Variants in POU2F3 observed in about 807,000 individuals in gnomAD.
POU2F3 encodes the protein POU class 2 homeobox 3.
POU2F3 carries 23 observed loss-of-function variants against 59.2 expected under a neutral mutation model. That is an observed-to-expected ratio of 0.39 (90% confidence interval 0.28 to 0.55). POU2F3 has a LOEUF of 0.55. Among genes scored for constraint, POU2F3 ranks in the 20% least tolerant of loss-of-function variants. POU2F3 has a pLI of 0.66. For synonymous variants in POU2F3, 190 were observed against 214.6 expected (o/e 0.89, Z 1.00); for missense variants, 473 against 544.5 (o/e 0.87, Z 1.31).
intron 3 of POU2F3, among the ~76,000 whole-genome samples, chr11:120,280,138 C>A (rs1349770482): frequency 6.6e-6 from 1 of 152,146 alleles, no homozygotes; most frequent in Non-Finnish European, 1.5e-5. Flanking sequence ...CTTTTTCAAG[C>A]AGGCGTCTCT....
At chr11:120,317,084 G>A (rs1305156517) in intron 11 of POU2F3, 145 bp from the exon 12 acceptor site, 3 of 874,794 alleles carry the variant, frequency 3.4e-6, no homozygotes, top group South Asian at 1.5e-5. Flanking sequence ...AATGAGGCAG[G>A]AGGTAGTCAG....
At chr11:120,315,502 C>A in intron 11 of POU2F3, 75 bp downstream of exon 11, 1 of 1,394,494 alleles carries the variant, frequency 7.2e-7, no homozygotes, top group Non-Finnish European at 1.0e-6. Context: ...TGAAAGGTAT[C>A]TACCTAAGTC....
intron 10 of POU2F3, among the ~76,000 whole-genome samples, chr11:120,311,782 A>T (rs1240282170): frequency 2.0e-5 from 3 of 152,188 alleles, no homozygotes; most frequent in Non-Finnish European, 4.4e-5. Context: ...ATCCTGGGTG[A>T]GGAGGAACTC....
chr11:120,296,274 T>C (rs550657660), intron 3 of POU2F3, among the ~76,000 whole-genome samples: 2 of 152,346 alleles, frequency 1.3e-5, no homozygotes, highest in East Asian at 3.9e-4. Context: ...ATGTCTTTTG[T>C]TCAATTAATG....
chr11:120,309,544 T>A lies in POU2F3; in HGVS notation c.1026T>A (p.Pro342=), dbSNP rs1347765575. Residue 342 remains proline, a synonymous_variant, in exon 10 of 13, where the codon CCT becomes CCA. Coordinates refer to ENST00000543440, the MANE Select transcript of POU2F3 (RefSeq NM_014352.4). ...RRQKEKRINC[P]VATPIKPPVY... ...AAAAGGAGAAGCGAATCAACTGCCC[T>A]GTGGCCACACCCATCAAACCACCTG... The A allele has an allele frequency of 1.2e-6, 2 of 1,614,086 alleles. No individual in the cohort carries two copies. The highest frequency in any genetic ancestry group is 2.2e-5 in the South Asian group (2 of 91,064).
Position 120,318,494 on chromosome 11 carries a change from G to T in POU2F3, c.*102G>T. The stretch of plus-strand genomic sequence containing the variant: ...ACAGATTGCCTTCAGAAGAGTGGAA[G>T]AAAATCTCCACTATCAATGAACCCA... On this transcript the variant is annotated 3_prime_UTR_variant, in exon 13 of 13. Coordinates refer to ENST00000543440, the MANE Select transcript of POU2F3 (RefSeq NM_014352.4). The T allele has an allele frequency of 8.3e-7, 1 of 1,208,594 alleles. No homozygotes were observed. Among genetic ancestry groups the T allele is most frequent in the South Asian group, 1.3e-5 (1 of 78,918 alleles). 74.9% of individuals were successfully genotyped at this position (1,208,594 alleles called of 1,614,324 possible). A position where few individuals can be genotyped will look rare whatever the true frequency, so the allele number is the denominator to read the frequency against.
At chr11:120,301,217 C>T in intron 5 of POU2F3, 1 of 385,058 alleles carries the variant, frequency 2.6e-6, no homozygotes, top group Admixed American at 3.2e-5. Context: ...TCTGAGCTTC[C>T]ATTTCCTCTT....
intron 11 of POU2F3, among the ~76,000 whole-genome samples, chr11:120,315,788 G>A (rs900646386): frequency 6.6e-6 from 1 of 151,476 alleles, no homozygotes; most frequent in Non-Finnish European, 1.5e-5. Flanking sequence ...CAGGATGATC[G>A]CATGCCCAAG....
chr11:120,287,128 A>T (rs1940811228), intron 3 of POU2F3, among the ~76,000 whole-genome samples: 1 of 152,188 alleles, frequency 6.6e-6, no homozygotes, highest in African/African-American at 2.4e-5. Flanking sequence ...TAAAAACCTG[A>T]TGTTAAAGGA....
chr11:120,245,747 G>A (rs1028315798), intron 1 of POU2F3, among the ~76,000 whole-genome samples: 1 of 152,208 alleles, frequency 6.6e-6, no homozygotes, highest in Non-Finnish European at 1.5e-5. Flanking sequence ...TGAGCCAGGG[G>A]CCTGGTGTAG....
At chr11:120,288,916 CAA>C (rs1808740625) in intron 3 of POU2F3, among the ~76,000 whole-genome samples, 1 of 144,022 alleles carries the variant, frequency 6.9e-6, no homozygotes. Context: ...TTAAACCTCT[CAA>C]GACACCTTTT....
At chr11:120,273,399 G>A (rs757253683) in intron 3 of POU2F3, among the ~76,000 whole-genome samples, 1 of 152,204 alleles carries the variant, frequency 6.6e-6, no homozygotes. Context: ...TGAAGTGGGT[G>A]GTGAGGGAAG....
chr11:120,240,818 T>G (rs1212006346), intron 1 of POU2F3, among the ~76,000 whole-genome samples: 1 of 151,892 alleles, frequency 6.6e-6, no homozygotes, highest in Non-Finnish European at 1.5e-5. Context: ...AAGCGGACAT[T>G]TAGGTGGTTG....
intron 3 of POU2F3, among the ~76,000 whole-genome samples, chr11:120,276,638 C>A (rs1365050541): frequency 6.6e-6 from 1 of 152,146 alleles, no homozygotes; most frequent in Non-Finnish European, 1.5e-5. Context: ...TTTGCTCAAC[C>A]CTAAGCAGTA....
At chr11:120,276,517 C>G (rs1000008682) in intron 3 of POU2F3, among the ~76,000 whole-genome samples, 2 of 152,004 alleles carry the variant, frequency 1.3e-5, no homozygotes, top group Admixed American at 1.3e-4. Flanking sequence ...GTTCCAGGAT[C>G]CAGCCTCCAG....
intron 3 of POU2F3, among the ~76,000 whole-genome samples, chr11:120,282,320 A>T (rs1940602412): frequency 6.6e-6 from 1 of 152,256 alleles, no homozygotes; most frequent in South Asian, 2.1e-4. Context: ...TCAAAGTTTC[A>T]TCAATGAAAT....
chr11:120,277,489 A>G (rs1435756533), intron 3 of POU2F3, among the ~76,000 whole-genome samples: 3 of 151,684 alleles, frequency 2.0e-5, no homozygotes, highest in Non-Finnish European at 2.9e-5. Flanking sequence ...TTTATAGAAA[A>G]CATAGGCCAG....
chr11:120,302,010 T>C, intron 5 of POU2F3: 1 of 395,690 alleles, frequency 2.5e-6, no homozygotes, highest in Non-Finnish European at 4.6e-6. Context: ...CTCCTTAGCC[T>C]CTACGCCTCT....
chr11:120,313,484 C>T (rs932538517), intron 10 of POU2F3, among the ~76,000 whole-genome samples: 2 of 152,204 alleles, frequency 1.3e-5, no homozygotes, highest in African/African-American at 4.8e-5. Flanking sequence ...CTGATCCTAT[C>T]TTTGGGTCTC....
Sources: gnomAD v4.1 joint callset for allele counts (sites outside exome capture counted in the v4.1 genomes callset) on GRCh38, gnomAD v4.1.1 for gene constraint, MANE v1.5 for transcripts, NCBI Gene and HGNC (gene_info 2026-07-23, HGNC 2026-07-21) for gene names.